Variants in CRYBB2 observed in about 807,000 individuals in gnomAD.
CRYBB2 encodes crystallin beta B2, also known as beta-crystallin B2.
CRYBB2 carries 12 observed loss-of-function variants against 24.3 expected under a neutral mutation model. That is an observed-to-expected ratio of 0.49 (90% CI 0.32 to 0.80). The LOEUF (loss-of-function observed/expected upper bound fraction) is 0.80, where lower values mean the gene tolerates loss of function less well. Among genes scored for constraint, CRYBB2 ranks in the 30% least tolerant of loss-of-function variants. CRYBB2 has a pLI of 0.04. For missense variants in CRYBB2, 198 were observed against 268.5 expected, an observed-to-expected ratio of 0.74 and a Z score of 1.83; for synonymous variants, 98 against 101.6, an observed-to-expected ratio of 0.96 and a Z score of 0.21.
intron 1 of CRYBB2, among the ~76,000 whole-genome samples, 173 bp downstream of exon 1, chr22:25,219,839 T>C (rs1050487067): frequency 1.4e-4 from 21 of 152,188 alleles, no homozygotes; most frequent in African/African-American, 4.6e-4. Flanking sequence ...TTCTTTATTG[T>C]AAGGATTCAA....
chr22:25,218,138 A>G (rs952895340), upstream of CRYBB2, among the ~76,000 whole-genome samples: 2 of 150,940 alleles, frequency 1.3e-5, no homozygotes, highest in Non-Finnish European at 2.9e-5. Context: ...GGGCGCCTGT[A>G]GTCCCAGCTA....
At chr22:25,218,733 A>AGG (rs1438718553), upstream of CRYBB2, among the ~76,000 whole-genome samples, 4 of 41,326 alleles carry the variant, frequency 9.7e-5, no homozygotes, top group South Asian at 1.1e-3. Context: ...AGAGAGAGAG[A>AGG]GGGGAGAGAG....
At chr22:25,220,366 C>A (rs2044307389) in intron 1 of CRYBB2, among the ~76,000 whole-genome samples, 1 of 152,206 alleles carries the variant, frequency 6.6e-6, no homozygotes, top group South Asian at 2.1e-4. Context: ...GAGGATGAGA[C>A]CTGCCCAGAG....
chr22:25,227,128 C>A (rs1392548510), intron 3 of CRYBB2, among the ~76,000 whole-genome samples: 1 of 152,178 alleles, frequency 6.6e-6, no homozygotes. Context: ...CTGAAATGTT[C>A]GCCTCTGCAC....
At chr22:25,218,723 AGAGAGAGAGAG>A (rs1352096326), upstream of CRYBB2, among the ~76,000 whole-genome samples, 15 of 122,214 alleles carry the variant, frequency 1.2e-4, no homozygotes, top group Non-Finnish European at 2.4e-4. Flanking sequence ...AGAGAGAGAG[AGAGAGAGAGAG>A]GGGAGAGAGA....
intron 5 of CRYBB2, among the ~76,000 whole-genome samples, chr22:25,230,179 C>G (rs538349656): frequency 2.7e-5 from 4 of 147,568 alleles, no homozygotes; most frequent in African/African-American, 1.0e-4. Flanking sequence ...TTAATTGAGA[C>G]GGAGGCGCGC....
At chr22:25,216,746 A>T (rs1935174412), upstream of CRYBB2, among the ~76,000 whole-genome samples, 2 of 152,082 alleles carry the variant, frequency 1.3e-5, no homozygotes, top group South Asian at 4.2e-4. Flanking sequence ...ATCATCCCAA[A>T]CAGAAACTCT....
upstream of CRYBB2, among the ~76,000 whole-genome samples, chr22:25,218,752 AG>A (rs1935239370): frequency 3.2e-5 from 1 of 31,740 alleles, no homozygotes; most frequent in Non-Finnish European, 5.7e-5. Flanking sequence ...AGAGAGAGAG[AG>A]AGAGAGAGAG....
upstream of CRYBB2, among the ~76,000 whole-genome samples, chr22:25,215,039 G>C (rs76378635): frequency 0.026 from 3,898 of 152,306 alleles, 58 homozygotes; most frequent in Non-Finnish European, 0.035. Flanking sequence ...CAAAAGTAAC[G>C]CCAAAACCCA....
chr22:25,228,502 G>A (rs1369051453), intron 4 of CRYBB2, among the ~76,000 whole-genome samples: 3 of 151,648 alleles, frequency 2.0e-5, no homozygotes, highest in Non-Finnish European at 4.4e-5. Context: ...CTGAGATCCT[G>A]ATTCTTACTA....
At chr22:25,221,565 T>C (rs1033445525) in intron 2 of CRYBB2, 82 bp downstream of exon 2, 21 of 1,049,062 alleles carry the variant, frequency 2.0e-5, no homozygotes, top group Middle Eastern at 4.0e-4. Flanking sequence ...CTTGGCATCT[T>C]TCTTCATGGG....
Position 25,224,667 on chromosome 22 carries a change from G to A in CRYBB2, c.55-251G>A, listed in dbSNP as rs139469420. On this transcript the variant is annotated intron_variant, in intron 2 of 5. Transcript: ENST00000398215. ...TACAGGGGTGAGCCCACCACACCTG[G>A]CCTAGGTTCTGTCTTTATTTCCCAT... 9.9e-5 allele frequency among the ~76,000 whole-genome samples: 15 copies of A among 152,234 alleles called. No homozygotes were observed. The East Asian group carries it at 2.9e-3, about 30-fold the overall frequency.
chr22:25,212,211 C>G (rs1935114883), upstream of CRYBB2, among the ~76,000 whole-genome samples: 2 of 152,214 alleles, frequency 1.3e-5, no homozygotes, highest in Admixed American at 1.3e-4. Context: ...TGAAGACATG[C>G]TCCGTAGTTG....
intron 2 of CRYBB2, among the ~76,000 whole-genome samples, 183 bp from the exon 3 acceptor site, chr22:25,224,735 G>T (rs1423171224): frequency 6.6e-6 from 1 of 152,124 alleles, no homozygotes; most frequent in African/African-American, 2.4e-5. Context: ...AGAAATGCAG[G>T]CTCAAGGTCC....
upstream of CRYBB2, among the ~76,000 whole-genome samples, chr22:25,215,358 T>G (rs1437285231): frequency 6.6e-6 from 1 of 152,256 alleles, no homozygotes; most frequent in Non-Finnish European, 1.5e-5. Flanking sequence ...GACCCATCCC[T>G]TTATTTCAGC....
At chr22:25,230,191 C>G (rs1426781996) in intron 5 of CRYBB2, among the ~76,000 whole-genome samples, 1 of 148,614 alleles carries the variant, frequency 6.7e-6, no homozygotes, top group Non-Finnish European at 1.5e-5. Context: ...GAGGCGCGCA[C>G]TTTCGCCCTG....
intron 5 of CRYBB2, among the ~76,000 whole-genome samples, chr22:25,231,395 C>T (rs1935529337): frequency 6.6e-6 from 1 of 151,922 alleles, no homozygotes; most frequent in African/African-American, 2.4e-5. Context: ...GTGAGCTCCC[C>T]ATCAAGAGAA....
upstream of CRYBB2, among the ~76,000 whole-genome samples, chr22:25,218,756 AG>A (rs1208056965): frequency 2.2e-4 from 9 of 40,346 alleles, no homozygotes; most frequent in Admixed American, 6.2e-4. Context: ...AGAGAGAGAG[AG>A]AGAGAGAGAG....
At chr22:25,215,191 A>G (rs1486227812), upstream of CRYBB2, among the ~76,000 whole-genome samples, 2 of 152,232 alleles carry the variant, frequency 1.3e-5, no homozygotes, top group African/African-American at 4.8e-5. Flanking sequence ...GATGGCCATG[A>G]TACCCACGCT....
Sources: allele counts gnomAD v4.1 joint callset (sites outside exome capture counted in the v4.1 genomes callset), GRCh38; gene constraint gnomAD v4.1.1; transcripts MANE v1.5; gene names NCBI Gene and HGNC (gene_info 2026-07-23, HGNC 2026-07-21).